Variants in EIF4G3 observed in about 807,000 individuals in gnomAD.
The protein encoded by EIF4G3 is eIF-4-gamma 3.
A neutral mutation model predicts 186.4 loss-of-function variants in EIF4G3; 34 were observed. That is an observed-to-expected ratio of 0.18 (90% CI 0.14 to 0.24). The LOEUF is 0.24. EIF4G3 is among the 10% of genes least tolerant of loss of function. The probability of loss-of-function intolerance (pLI) is 1.00; values close to 1 mark genes in which losing one functional copy is unlikely to be tolerated. For missense variants in EIF4G3, 1,536 were observed against 1,948.5 expected (o/e 0.79, Z 3.99); for synonymous variants, 673 against 679.5 (o/e 0.99, Z 0.15).
intron 3 of EIF4G3, among the ~76,000 whole-genome samples, chr1:21,074,298 T>C (rs1434313164): frequency 6.6e-6 from 1 of 152,126 alleles, no homozygotes; most frequent in Admixed American, 6.5e-5. Flanking sequence ...GCTGTGGCAG[T>C]CAAAAACATC....
chr1:21,100,749 T>C (rs1275865038), intron 2 of EIF4G3, among the ~76,000 whole-genome samples: 2 of 146,786 alleles, frequency 1.4e-5, no homozygotes, highest in Non-Finnish European at 3.0e-5. Context: ...TGGCTTATCC[T>C]GCGAATCTAC....
intron 2 of EIF4G3, among the ~76,000 whole-genome samples, chr1:21,102,892 G>A (rs2096552072): frequency 6.6e-6 from 1 of 152,064 alleles, no homozygotes; most frequent in Non-Finnish European, 1.5e-5. Flanking sequence ...TCCATCCATA[G>A]CAAAAGGAAC....
At chr1:20,912,400 C>T (rs1436782833) in intron 14 of EIF4G3, among the ~76,000 whole-genome samples, 2 of 150,160 alleles carry the variant, frequency 1.3e-5, no homozygotes, top group African/African-American at 2.4e-5. Context: ...GGCCACATAA[C>T]GGCTAAGTAA....
At chr1:20,886,492 A>G in intron 18 of EIF4G3, 121 bp from the exon 19 acceptor site, 1 of 860,330 alleles carries the variant, frequency 1.2e-6, no homozygotes, top group Non-Finnish European at 1.7e-6. Context: ...GGTACTAGGT[A>G]CTCAAACTGG....
intron 3 of EIF4G3, chr1:21,064,446 T>G (rs2095122782): frequency 6.6e-6 from 1 of 152,336 alleles, no homozygotes; most frequent in Admixed American, 6.5e-5. Flanking sequence ...TATGGCTATT[T>G]GAGGGTAAAA....
chr1:20,939,117 A>T (rs867346451), intron 14 of EIF4G3, among the ~76,000 whole-genome samples: 30 of 2,332 alleles, frequency 0.013, no homozygotes, highest in Non-Finnish European at 0.056. Flanking sequence ...AAAAAAAATT[A>T]AAAAAAAAAA....
chr1:20,824,641 A>T (rs1292040520), intron 33 of EIF4G3, among the ~76,000 whole-genome samples: 1 of 152,198 alleles, frequency 6.6e-6, no homozygotes, highest in East Asian at 1.9e-4. Context: ...AGGATAGCTA[A>T]GGTTCTGGGT....
intron 18 of EIF4G3, among the ~76,000 whole-genome samples, chr1:20,887,586 A>G (rs2084618274): frequency 6.6e-6 from 1 of 151,966 alleles, no homozygotes; most frequent in South Asian, 2.1e-4. Flanking sequence ...TTTCACACCA[A>G]TCTTGTCAAA....
At chr1:21,012,379 C>T (rs1423713137) in intron 4 of EIF4G3, among the ~76,000 whole-genome samples, 1 of 152,126 alleles carries the variant, frequency 6.6e-6, no homozygotes, top group Non-Finnish European at 1.5e-5. Context: ...CAATAAAATG[C>T]TTGAAATAAG....
chr1:21,051,227 A>G (rs1019445669), intron 3 of EIF4G3, among the ~76,000 whole-genome samples: 1 of 152,340 alleles, frequency 6.6e-6, no homozygotes, highest in African/African-American at 2.4e-5. Flanking sequence ...GCATGATCTC[A>G]AAACCAAAAA....
At chr1:20,879,184 T>C in intron 20 of EIF4G3, 139 bp downstream of exon 20, 1 of 595,710 alleles carries the variant, frequency 1.7e-6, no homozygotes, top group South Asian at 5.3e-5. Flanking sequence ...TCTTTAATAA[T>C]GAGAATATTA....
intron 35 of EIF4G3, among the ~76,000 whole-genome samples, 175 bp downstream of exon 35, chr1:20,812,983 G>A (rs559486893): frequency 6.6e-6 from 1 of 152,328 alleles, no homozygotes; most frequent in South Asian, 2.1e-4. Context: ...AGGCGGAGCA[G>A]CTATTTGTCT....
intron 14 of EIF4G3, chr1:20,941,124 G>C: frequency 8.8e-7 from 1 of 1,130,270 alleles, no homozygotes. Flanking sequence ...GACAGAATTA[G>C]GGACTATAGA....
chr1:20,829,100 T>A, intron 31 of EIF4G3, 47 bp downstream of exon 31: 1 of 1,591,222 alleles, frequency 6.3e-7, no homozygotes, highest in African/African-American at 1.3e-5. Context: ...AGTGAGTTAT[T>A]AGTCAGTTCT....
chr1:21,147,552 C>T (rs571269893), intron 2 of EIF4G3, among the ~76,000 whole-genome samples: 22 of 151,928 alleles, frequency 1.4e-4, no homozygotes, highest in East Asian at 3.9e-4. Context: ...AGGCTGGTCT[C>T]GAACTCCTGA....
At position 20,855,090 on chromosome 1, in the gene EIF4G3, C is replaced by G; in HGVS notation, c.3340-19G>C. The G allele has an allele frequency of 1.3e-6, 2 of 1,540,238 alleles. No individual in the cohort carries two copies. The highest frequency in any genetic ancestry group is 1.8e-6 in the Non-Finnish European group (2 of 1,118,796). On this transcript the variant is annotated intron_variant, in intron 25 of 36. Coordinates refer to ENST00000602326, the MANE Select transcript of EIF4G3 (RefSeq NM_001391906.1). ...TTGTAGGCTGTAACATAAGGGACCA[C>G]AAGTCAATTATAGGAAATATTCTAG...
intron 7 of EIF4G3, among the ~76,000 whole-genome samples, chr1:20,992,852 A>T (rs1010223482): frequency 2.0e-5 from 3 of 152,204 alleles, no homozygotes; most frequent in African/African-American, 7.2e-5. Context: ...CACAGATTTT[A>T]ATGACCAAAT....
intron 8 of EIF4G3, among the ~76,000 whole-genome samples, chr1:20,981,584 TG>T: frequency 7.2e-6 from 1 of 139,800 alleles, no homozygotes; most frequent in African/African-American, 2.7e-5. Flanking sequence ...ACATACTGTA[TG>T]TATACATACA....
intron 2 of EIF4G3, among the ~76,000 whole-genome samples, chr1:21,138,194 C>T (rs979455162): frequency 1.3e-5 from 2 of 152,162 alleles, no homozygotes; most frequent in African/African-American, 2.4e-5. Context: ...ATCCTGGAAA[C>T]GCCATTAACT....
Sources: allele counts gnomAD v4.1 joint callset (sites outside exome capture counted in the v4.1 genomes callset), GRCh38; gene constraint gnomAD v4.1.1; transcripts MANE v1.5; gene names NCBI Gene and HGNC (gene_info 2026-07-23, HGNC 2026-07-21).